CNTNAP2: variants seen among roughly 807,000 people sequenced by gnomAD.
The protein encoded by CNTNAP2 is contactin-associated protein-like 2.
Under a neutral mutation model 155.2 loss-of-function variants are expected in CNTNAP2, and 98 were observed. That is an observed-to-expected ratio of 0.63 (90% CI 0.54 to 0.75). The LOEUF is 0.75. Among genes scored for constraint, CNTNAP2 ranks in the 30% least tolerant of loss-of-function variants. The pLI, the probability that CNTNAP2 is intolerant of heterozygous loss-of-function variation, is 0.00. For missense variants in CNTNAP2, 1,727 were observed against 1,688.1 expected (o/e 1.02, Z -0.40); for synonymous variants, 651 against 631.2 (o/e 1.03, Z -0.47).
At chr7:148,287,910 G>A (rs939386670) in intron 21 of CNTNAP2, among the ~76,000 whole-genome samples, 8 of 148,644 alleles carry the variant, frequency 5.4e-5, no homozygotes, top group Admixed American at 3.4e-4. Flanking sequence ...TCCTACTTCA[G>A]CCTCCGGAGT....
chr7:146,316,850 A>G (rs1187696193), intron 1 of CNTNAP2, among the ~76,000 whole-genome samples: 4 of 151,814 alleles, frequency 2.6e-5, no homozygotes, highest in African/African-American at 4.8e-5. Flanking sequence ...ACTCTATCAG[A>G]GGGGCACTGC....
chr7:147,325,135 C>G (rs770552142), intron 9 of CNTNAP2, among the ~76,000 whole-genome samples: 1 of 151,974 alleles, frequency 6.6e-6, no homozygotes, highest in Non-Finnish European at 1.5e-5. Flanking sequence ...AAACTCTGTA[C>G]TAAAAATACA....
At chr7:147,494,584 T>C (rs1478209570) in intron 11 of CNTNAP2, among the ~76,000 whole-genome samples, 1 of 152,064 alleles carries the variant, frequency 6.6e-6, no homozygotes, top group African/African-American at 2.4e-5. Flanking sequence ...TGCTAGGTCT[T>C]GAGGGAACTG....
rs1430277875 is a variant in CNTNAP2, at chr7:146,468,442, A to G, written c.98-305829A>G. On this transcript the variant is annotated intron_variant, in intron 1 of 23. Transcript: ENST00000361727. Reference sequence around the variant, plus strand: ...ACCTGAATCTAAAATCAAAGTCAGGAAGAAAAAAAAAAAAAGAAGACAATG... The same window carrying G: ...ACCTGAATCTAAAATCAAAGTCAGGGAGAAAAAAAAAAAAAGAAGACAATG... 2.0e-5 allele frequency among the ~76,000 whole-genome samples: 3 copies of G among 151,398 alleles called. No individual in the cohort carries two copies. The East Asian group carries it at 5.8e-4, about 29-fold the overall frequency.
chr7:146,124,322 T>G (rs962521592), intron 1 of CNTNAP2, among the ~76,000 whole-genome samples: 3 of 152,180 alleles, frequency 2.0e-5, no homozygotes, highest in Admixed American at 1.3e-4. Flanking sequence ...AGAAAACACA[T>G]GTGGATTAAA....
intron 1 of CNTNAP2, among the ~76,000 whole-genome samples, chr7:146,290,458 C>T (rs1393109288): frequency 1.3e-5 from 2 of 152,168 alleles, no homozygotes; most frequent in Non-Finnish European, 2.9e-5. Flanking sequence ...GCTTATCCGC[C>T]AATTCACAAT....
intron 11 of CNTNAP2, among the ~76,000 whole-genome samples, chr7:147,559,018 G>A (rs13225016): frequency 0.23 from 34,427 of 152,128 alleles, 4,677 homozygotes; most frequent in Non-Finnish European, 0.31. Flanking sequence ...TTACAGGCGT[G>A]AGCCACCATG....
chr7:146,932,378 A>G (rs1406388544), intron 3 of CNTNAP2, among the ~76,000 whole-genome samples: 1 of 151,818 alleles, frequency 6.6e-6, no homozygotes, highest in Admixed American at 6.6e-5. Flanking sequence ...CTTTGACAAA[A>G]TTCAACAACC....
chr7:147,256,816 TGTA>T (rs1804338958), intron 8 of CNTNAP2, among the ~76,000 whole-genome samples: 2 of 151,806 alleles, frequency 1.3e-5, no homozygotes, highest in Admixed American at 6.6e-5. Context: ...AAAGAAAACA[TGTA>T]GTGGTGGGTG....
chr7:147,304,991 G>C (rs1795001102), intron 9 of CNTNAP2, among the ~76,000 whole-genome samples: 1 of 152,028 alleles, frequency 6.6e-6, no homozygotes, highest in African/African-American at 2.4e-5. Context: ...GAAAGACAGA[G>C]AGCACACACT....
At chr7:147,802,745 CG>C (rs1798025386) in intron 13 of CNTNAP2, among the ~76,000 whole-genome samples, 1 of 129,102 alleles carries the variant, frequency 7.7e-6, no homozygotes, top group Non-Finnish European at 1.6e-5. Context: ...AGCTTCCGCT[CG>C]GCATCAGAGG....
chr7:148,266,896 G>A (rs1796680343), intron 20 of CNTNAP2, 137 bp from the exon 21 acceptor site: 2 of 817,610 alleles, frequency 2.4e-6, no homozygotes. Context: ...TCGGGGTGGT[G>A]TTTTAGAGTC....
chr7:147,430,255 A>C (rs868057820), intron 10 of CNTNAP2, among the ~76,000 whole-genome samples: 1 of 152,330 alleles, frequency 6.6e-6, no homozygotes, highest in Non-Finnish European at 1.5e-5. Context: ...AGCTAGAAGA[A>C]GTTTCTGCCT....
At chr7:148,103,155 T>C (rs569957135) in intron 15 of CNTNAP2, among the ~76,000 whole-genome samples, 1 of 151,676 alleles carries the variant, frequency 6.6e-6, no homozygotes, top group Non-Finnish European at 1.5e-5. Context: ...TGATTTTGAG[T>C]TGTGTCTGTC....
At chr7:146,448,281 A>C (rs1292726809) in intron 1 of CNTNAP2, among the ~76,000 whole-genome samples, 9 of 152,040 alleles carry the variant, frequency 5.9e-5, no homozygotes, top group Non-Finnish European at 1.3e-4. Flanking sequence ...TTTCTAAGAC[A>C]AAACAGCTTG....
chr7:147,814,864 G>T (rs1276155123), intron 13 of CNTNAP2, among the ~76,000 whole-genome samples: 1 of 151,944 alleles, frequency 6.6e-6, no homozygotes. Flanking sequence ...AACAATTATT[G>T]GGTTCCTGGG....
intron 3 of CNTNAP2, among the ~76,000 whole-genome samples, chr7:146,975,965 C>A (rs1163905128): frequency 6.6e-6 from 1 of 152,132 alleles, no homozygotes; most frequent in Admixed American, 6.5e-5. Context: ...GGCATAGAGT[C>A]AACCACTTAA....
At chr7:146,814,935 G>C (rs1454961946) in intron 2 of CNTNAP2, among the ~76,000 whole-genome samples, 1 of 151,914 alleles carries the variant, frequency 6.6e-6, no homozygotes, top group Admixed American at 6.6e-5. Flanking sequence ...ATTTATAATA[G>C]TTATTGAGAA....
chr7:147,378,856 T>A (rs1453335586), intron 9 of CNTNAP2, among the ~76,000 whole-genome samples: 1 of 152,062 alleles, frequency 6.6e-6, no homozygotes, highest in Admixed American at 6.6e-5. Context: ...TGGTAATTTT[T>A]AAGTATTATT....
Sources: gnomAD v4.1 joint callset for allele counts (sites outside exome capture counted in the v4.1 genomes callset) on GRCh38, gnomAD v4.1.1 for gene constraint, MANE v1.5 for transcripts, NCBI Gene and HGNC (gene_info 2026-07-23, HGNC 2026-07-21) for gene names.